SCAPER: variants seen among roughly 807,000 people sequenced by gnomAD.
SCAPER encodes S-phase cyclin A associated protein in the ER.
SCAPER carries 98 observed loss-of-function variants against 182.2 expected under a neutral mutation model. The observed-to-expected ratio is 0.54, with a 90% CI of 0.46 to 0.64. The LOEUF (loss-of-function observed/expected upper bound fraction) is 0.64. Among genes scored for constraint, SCAPER ranks in the 30% least tolerant of loss-of-function variants. The pLI, the probability that SCAPER is intolerant of heterozygous loss-of-function variation, is 0.00. For missense variants in SCAPER, 1,432 were observed against 1,690.0 expected, an observed-to-expected ratio of 0.85 and a Z score of 2.68; for synonymous variants, 605 against 564.6, an observed-to-expected ratio of 1.07 and a Z score of -1.01.
intron 29 of SCAPER, among the ~76,000 whole-genome samples, chr15:76,358,424 T>C (rs1490197304): frequency 6.6e-6 from 1 of 152,226 alleles, no homozygotes; most frequent in African/African-American, 2.4e-5. Context: ...CAATATACCA[T>C]AGACTGGGCC....
intron 4 of SCAPER, among the ~76,000 whole-genome samples, chr15:76,853,173 G>GAAT (rs1328284803): frequency 6.6e-6 from 1 of 152,062 alleles, no homozygotes; most frequent in East Asian, 1.9e-4. Flanking sequence ...CTCTGAAATT[G>GAAT]AATCAGTAAT....
intron 21 of SCAPER, among the ~76,000 whole-genome samples, chr15:76,633,354 G>A (rs1053588045): frequency 6.6e-6 from 1 of 152,216 alleles, no homozygotes. Flanking sequence ...GAACACTCCT[G>A]TATGAGGTGT....
At chr15:76,529,608 A>G (rs1013103427) in intron 23 of SCAPER, among the ~76,000 whole-genome samples, 18 of 152,208 alleles carry the variant, frequency 1.2e-4, no homozygotes, top group Non-Finnish European at 5.9e-5. Flanking sequence ...AGAAGTTGAC[A>G]TTTGAGTAAA....
intron 4 of SCAPER, among the ~76,000 whole-genome samples, chr15:76,844,356 G>A (rs772862156): frequency 5.3e-5 from 8 of 150,734 alleles, no homozygotes; most frequent in Non-Finnish European, 1.0e-4. Flanking sequence ...GAGGCTCATC[G>A]GCTCCCCTGA....
At chr15:76,498,741 G>A (rs562410676) in intron 24 of SCAPER, 13 of 152,266 alleles carry the variant, frequency 8.5e-5, no homozygotes, top group African/African-American at 2.6e-4. Context: ...CAACTCAAAG[G>A]ATGAGGTAAA....
chr15:76,537,850 A>G (rs1217153252), intron 23 of SCAPER, among the ~76,000 whole-genome samples: 2 of 152,222 alleles, frequency 1.3e-5, no homozygotes, highest in African/African-American at 2.4e-5. Context: ...AGAATCTACA[A>G]TCAACTCAAA....
At chr15:76,673,220 T>C (rs972624233) in intron 20 of SCAPER, among the ~76,000 whole-genome samples, 4 of 151,978 alleles carry the variant, frequency 2.6e-5, no homozygotes, top group African/African-American at 9.7e-5. Flanking sequence ...CCTCAGAACA[T>C]GCCTTAGAAA....
intron 23 of SCAPER, among the ~76,000 whole-genome samples, chr15:76,563,948 T>A (rs924060506): frequency 6.6e-6 from 1 of 152,208 alleles, no homozygotes; most frequent in African/African-American, 2.4e-5. Flanking sequence ...AGAGAAGGCT[T>A]TTGATAAAAT....
Position 76,449,916 on chromosome 15 carries a change from A to G in SCAPER, c.3079-15606T>C, listed in dbSNP as rs184371493. Among the ~76,000 whole-genome samples the G allele has an allele frequency of 3.1e-3, 468 of 152,254 alleles. 1 individual carries two copies. Among genetic ancestry groups the G allele is most frequent in the Non-Finnish European group, 4.3e-3 (291 of 68,004 alleles). ...TGTCTTATCTATTCTATTAGACCAG[A>G]AGTTGGCGATTATTTTTTTCTGTCA... On this transcript the variant is annotated intron_variant, in intron 25 of 31. Transcript: ENST00000563290.
chr15:76,419,489 G>A (rs1173162432), intron 26 of SCAPER, among the ~76,000 whole-genome samples: 1 of 152,152 alleles, frequency 6.6e-6, no homozygotes, highest in African/African-American at 2.4e-5. Flanking sequence ...GCGAGGCCAA[G>A]GTGGGCAGAT....
At chr15:76,807,162 G>A (rs2066223860) in intron 5 of SCAPER, among the ~76,000 whole-genome samples, 1 of 152,166 alleles carries the variant, frequency 6.6e-6, no homozygotes, top group Non-Finnish European at 1.5e-5. Context: ...AAAGCTTTCA[G>A]TCTTTCACCA....
At chr15:76,408,264 G>A (rs1225018137) in intron 26 of SCAPER, among the ~76,000 whole-genome samples, 4 of 152,048 alleles carry the variant, frequency 2.6e-5, no homozygotes, top group African/African-American at 9.7e-5. Flanking sequence ...CCCACAAGTT[G>A]AATTTTGCTG....
intron 20 of SCAPER, among the ~76,000 whole-genome samples, chr15:76,677,806 C>A (rs2057453574): frequency 6.6e-6 from 1 of 150,772 alleles, no homozygotes; most frequent in Non-Finnish European, 1.5e-5. Flanking sequence ...GGTTTATGAC[C>A]TTGATAGTCT....
chr15:76,564,411 A>G (rs1396865734), intron 23 of SCAPER, among the ~76,000 whole-genome samples: 1 of 152,112 alleles, frequency 6.6e-6, no homozygotes, highest in East Asian at 1.9e-4. Flanking sequence ...TTCCCATTCC[A>G]TATTGCCACA....
At chr15:76,673,979 ACAC>A (rs2057204985) in intron 20 of SCAPER, among the ~76,000 whole-genome samples, 2 of 140,178 alleles carry the variant, frequency 1.4e-5, no homozygotes, top group Non-Finnish European at 3.3e-5. Context: ...ACACACACAC[ACAC>A]ACACACACCC....
At chr15:76,523,742 A>G (rs1166862866) in intron 23 of SCAPER, among the ~76,000 whole-genome samples, 2 of 152,092 alleles carry the variant, frequency 1.3e-5, no homozygotes, top group Admixed American at 1.3e-4. Flanking sequence ...AAGAAAATAC[A>G]TACTTTATAT....
At chr15:76,598,126 C>A (rs548596978) in intron 22 of SCAPER, among the ~76,000 whole-genome samples, 1 of 119,396 alleles carries the variant, frequency 8.4e-6, no homozygotes, top group East Asian at 2.2e-4. Context: ...ACAACCCCAT[C>A]AAAAAGTGGG....
chr15:76,382,858 G>T (rs2043040738), intron 27 of SCAPER, among the ~76,000 whole-genome samples: 1 of 152,054 alleles, frequency 6.6e-6, no homozygotes, highest in African/African-American at 2.4e-5. Context: ...ATAGCCACTT[G>T]TAATCACTGC....
At chr15:76,644,553 A>T (rs917961553) in intron 21 of SCAPER, among the ~76,000 whole-genome samples, 6 of 152,020 alleles carry the variant, frequency 3.9e-5, no homozygotes, top group Admixed American at 3.9e-4. Flanking sequence ...TACATACAGT[A>T]CACTCTTGAG....
Sources: gnomAD v4.1 joint callset for allele counts (sites outside exome capture counted in the v4.1 genomes callset) on GRCh38, gnomAD v4.1.1 for gene constraint, MANE v1.5 for transcripts, NCBI Gene and HGNC (gene_info 2026-07-23, HGNC 2026-07-21) for gene names.